The following SHROOM4 variants were observed in gnomAD, a reference collection of about 807,000 sequenced individuals.
SHROOM4 encodes the protein shroom family member 4.
In SHROOM4, 17 loss-of-function variants were observed where a neutral mutation model predicts 80.3. The ratio of observed to expected loss-of-function variants is 0.21; its 90% confidence interval spans 0.14 to 0.32. The LOEUF (loss-of-function observed/expected upper bound fraction) is 0.32, where lower values mean the gene tolerates loss of function less well. Ranked by LOEUF, SHROOM4 falls within the 10% of genes least tolerant of loss-of-function variation. The pLI, the probability that SHROOM4 is intolerant of heterozygous loss-of-function variation, is 1.00. For synonymous variants in SHROOM4, 400 were observed against 437.5 expected (o/e 0.91, Z 1.07); for missense variants, 993 against 1,140.3 (o/e 0.87, Z 1.86).
intron 1 of SHROOM4, among the ~76,000 whole-genome samples, chrX:50,734,873 T>C (rs1557266568): frequency 9.0e-6 from 1 of 111,006 alleles, no homozygotes; most frequent in African/African-American, 3.3e-5. Flanking sequence ...GTTTCCTGTT[T>C]TGCTTGGCTC....
At chrX:50,613,994 A>C (rs1482094649) in intron 5 of SHROOM4, among the ~76,000 whole-genome samples, 1 of 112,190 alleles carries the variant, frequency 8.9e-6, no homozygotes, top group Non-Finnish European at 1.9e-5. Flanking sequence ...AAGTCAACTC[A>C]AATGCATAGG....
At chrX:50,707,613 G>T (rs1353570198) in intron 1 of SHROOM4, among the ~76,000 whole-genome samples, 1 of 110,235 alleles carries the variant, frequency 9.1e-6, no homozygotes, top group Non-Finnish European at 1.9e-5. Context: ...CAATCAAACT[G>T]CTCTCCCCAC....
chrX:50,609,694 T>C (rs1293716320), intron 5 of SHROOM4, among the ~76,000 whole-genome samples: 1 of 104,627 alleles, frequency 9.6e-6, no homozygotes, highest in Admixed American at 1.1e-4. Flanking sequence ...TGTGTGTGTA[T>C]AATTTTAATA....
intron 1 of SHROOM4, among the ~76,000 whole-genome samples, chrX:50,776,049 C>T (rs782509110): frequency 1.8e-5 from 2 of 111,806 alleles, no homozygotes; most frequent in Admixed American, 1.9e-4. Context: ...CACTTCCAGC[C>T]TTTGAGCCAG....
chrX:50,791,840 A>G (rs1488326786), intron 1 of SHROOM4, among the ~76,000 whole-genome samples: 1 of 110,692 alleles, frequency 9.0e-6, no homozygotes, highest in Non-Finnish European at 1.9e-5. Flanking sequence ...AGTTATAGTA[A>G]TCAACAGTAT....
intron 2 of SHROOM4, among the ~76,000 whole-genome samples, chrX:50,682,500 C>T (rs1557261904): frequency 9.0e-6 from 1 of 111,647 alleles, no homozygotes; most frequent in Non-Finnish European, 1.9e-5. Flanking sequence ...GGAAAAACAA[C>T]ACATGGACAC....
At chrX:50,669,828 T>C (rs1932775804) in intron 2 of SHROOM4, among the ~76,000 whole-genome samples, 2 of 111,821 alleles carry the variant, frequency 1.8e-5, no homozygotes, top group Non-Finnish European at 1.9e-5. Context: ...CATCTTCAGG[T>C]TCCACTTCTA....
chrX:50,624,729 C>T (rs60626119), intron 5 of SHROOM4, among the ~76,000 whole-genome samples: 2,586 of 108,551 alleles, frequency 0.024, 63 homozygotes, highest in African/African-American at 0.081. Context: ...CCTCCCACCT[C>T]AGCCTCCTGA....
intron 2 of SHROOM4, among the ~76,000 whole-genome samples, chrX:50,681,171 C>T (rs1932933808): frequency 1.8e-5 from 2 of 111,307 alleles, no homozygotes; most frequent in African/African-American, 6.5e-5. Flanking sequence ...ACAAGTTTTC[C>T]TGCTTCCTCT....
At chrX:50,611,144 C>CTTTTTTTTTTTTTTTTTT (rs782473243) in intron 5 of SHROOM4, among the ~76,000 whole-genome samples, 5 of 68,218 alleles carry the variant, frequency 7.3e-5, no homozygotes, top group Non-Finnish European at 1.0e-4. Flanking sequence ...TTCTTTTTTT[C>CTTTTTTTTTTTTTTTTTT]TTTTTTTTTT....
intron 1 of SHROOM4, among the ~76,000 whole-genome samples, chrX:50,729,666 C>G (rs1934321504): frequency 9.0e-6 from 1 of 111,003 alleles, no homozygotes; most frequent in Non-Finnish European, 1.9e-5. Context: ...AGAAGAAACT[C>G]AATGATCCAC....
chrX:50,757,086 T>A lies in SHROOM4; in HGVS notation c.117+56816A>T, dbSNP rs144846292. 6.9e-3 allele frequency among the ~76,000 whole-genome samples: 773 copies of A among 112,097 alleles called. 5 individuals are homozygous for A. The highest frequency in any genetic ancestry group is 0.011 in the Non-Finnish European group (600 of 53,247). ...GTAACTCAAGATCACAGAGATTTAC[T>A]CCTATGTTTTCTTCTAAGAGTTTTA... On this transcript the variant is annotated intron_variant, in intron 1 of 8. Transcript: ENST00000376020.
At chrX:50,712,981 T>C (rs903657538) in intron 1 of SHROOM4, among the ~76,000 whole-genome samples, 1 of 111,145 alleles carries the variant, frequency 9.0e-6, no homozygotes, top group African/African-American at 3.3e-5. Context: ...CCTACCTGGT[T>C]TGAGGTAACA....
At chrX:50,779,801 G>A (rs978724048) in intron 1 of SHROOM4, among the ~76,000 whole-genome samples, 3 of 112,159 alleles carry the variant, frequency 2.7e-5, no homozygotes, top group Non-Finnish European at 5.6e-5. Context: ...GCTGTTAAGA[G>A]AAGTCAGAGG....
chrX:50,708,801 AAT>A (rs1345530908), intron 1 of SHROOM4, among the ~76,000 whole-genome samples: 3 of 111,762 alleles, frequency 2.7e-5, no homozygotes, highest in Non-Finnish European at 5.6e-5. Context: ...AGAATGGTTT[AAT>A]ATGACTTCTA....
At chrX:50,709,656 TC>T (rs1371531656) in intron 1 of SHROOM4, among the ~76,000 whole-genome samples, 1 of 112,326 alleles carries the variant, frequency 8.9e-6, no homozygotes, top group Non-Finnish European at 1.9e-5. Flanking sequence ...TTTCCTAGAA[TC>T]TCTTCACTCT....
At chrX:50,576,384 G>A in the SHROOM4 span, among the ~76,000 whole-genome samples, 2 of 111,445 alleles carry the variant, frequency 1.8e-5, no homozygotes. Flanking sequence ...ACACACAACT[G>A]CTATGTTGCT....
chrX:50,754,586 A>G (rs1284285216), intron 1 of SHROOM4, among the ~76,000 whole-genome samples: 7 of 110,920 alleles, frequency 6.3e-5, no homozygotes, highest in Non-Finnish European at 1.3e-4. Flanking sequence ...CATCTCTGCC[A>G]CTCCCCAGAA....
chrX:50,634,289 T>C lies in SHROOM4; in HGVS notation c.1784A>G (p.Glu595Gly), dbSNP rs782587151. ...GAGCTGGGCCTTCCTCCTCTGAATT[T>C]CATTACGCAGATTGGTAGCAAAACG... ...SERFATNLRN[E>G]IQRRKAQLQK... Residue 595 changes from glutamate to glycine, a missense_variant, in exon 4 of 9, where the codon GAA (glutamate) becomes GGA (glycine). Coordinates refer to ENST00000376020, the MANE Select transcript of SHROOM4 (RefSeq NM_020717.5). 2.5e-6 allele frequency: 3 copies of C among 1,211,247 alleles called. No homozygotes were observed.
Sources: gnomAD v4.1 joint callset for allele counts (sites outside exome capture counted in the v4.1 genomes callset) on GRCh38, gnomAD v4.1.1 for gene constraint, MANE v1.5 for transcripts, NCBI Gene and HGNC (gene_info 2026-07-23, HGNC 2026-07-21) for gene names.